The following TMEM132D variants were observed in gnomAD, a reference collection of about 807,000 sequenced individuals.
TMEM132D encodes mature OL transmembrane protein.
A neutral mutation model predicts 62.3 loss-of-function variants in TMEM132D; 21 were observed. The ratio of observed to expected loss-of-function variants is 0.34; its 90% CI spans 0.24 to 0.49. The LOEUF (loss-of-function observed/expected upper bound fraction) is 0.49, where lower values mean the gene tolerates loss of function less well. Ranked by LOEUF, TMEM132D falls within the 20% of genes least tolerant of loss-of-function variation. The pLI is 0.99. For synonymous variants in TMEM132D, 621 were observed against 575.6 expected (o/e 1.08, Z -1.13); for missense variants, 1,346 against 1,402.8 (o/e 0.96, Z 0.65).
chr12:129,249,316 C>A (rs1171304196), intron 4 of TMEM132D, among the ~76,000 whole-genome samples: 1 of 152,226 alleles, frequency 6.6e-6, no homozygotes, highest in Non-Finnish European at 1.5e-5. Context: ...CATGAGCTCC[C>A]ATCCTCCTTC....
chr12:129,192,148 T>C (rs1878423326), intron 5 of TMEM132D, among the ~76,000 whole-genome samples: 1 of 152,196 alleles, frequency 6.6e-6, no homozygotes, highest in Non-Finnish European at 1.5e-5. Flanking sequence ...TGGTTCCTAC[T>C]ACCTTGACCT....
At chr12:129,154,615 G>A (rs566586550) in intron 5 of TMEM132D, among the ~76,000 whole-genome samples, 31 of 152,270 alleles carry the variant, frequency 2.0e-4, no homozygotes, top group Admixed American at 1.1e-3. Flanking sequence ...ATATTCCAAG[G>A]ATGGATCATA....
chr12:129,595,981 T>C (rs890629773), intron 2 of TMEM132D, among the ~76,000 whole-genome samples: 2 of 152,156 alleles, frequency 1.3e-5, no homozygotes, highest in Non-Finnish European at 2.9e-5. Context: ...GCAGGTGTTC[T>C]AAAAAAAGGA....
rs146683341 is a variant in TMEM132D at position 129,583,565 on chromosome 12, G to A, written c.969-52360C>T. On this transcript the variant is annotated intron_variant, in intron 2 of 8. Transcript: ENST00000422113. ...AAGCAGTCATCATTCTAGGCACTGC[G>A]GGTGAGAGGTAAACACACATGCTTC... Among the ~76,000 whole-genome samples, 935 of 152,266 alleles carry A rather than the reference G, an allele frequency of 6.1e-3. 1 individual carries two copies. Among genetic ancestry groups the A allele is most frequent in the Non-Finnish European group, 8.9e-3 (607 of 68,022 alleles).
rs190203387 is a variant in TMEM132D at position 129,371,483 on chromosome 12, T to C, written c.1116-33666A>G. Among the ~76,000 whole-genome samples the C allele has an allele frequency of 4.6e-5, 7 of 152,030 alleles. No homozygotes were observed. Among genetic ancestry groups the C allele is most frequent in the Middle Eastern group, 3.4e-3 (1 of 292 alleles). ...GGTAATGACGATGATGATGTGATAA[T>C]GGTGATAAAGATGACAGTGGCAATG... On this transcript the variant is annotated intron_variant, in intron 3 of 8. Transcript: ENST00000422113. The surrounding 1 kb of genome is among the most constrained non-coding windows in gnomAD (Gnocchi z 4.3).
intron 4 of TMEM132D, among the ~76,000 whole-genome samples, chr12:129,284,314 C>T (rs1401514960): frequency 1.3e-5 from 2 of 152,236 alleles, no homozygotes; most frequent in Non-Finnish European, 2.9e-5. Flanking sequence ...CCATCTACAT[C>T]ATCTGAAACA....
rs894525700 is a variant in TMEM132D at position 129,700,077 on chromosome 12, C to A, written c.701G>T (p.Gly234Val). 5 of 1,613,692 alleles carry A rather than the reference C, an allele frequency of 3.1e-6. No individual in the cohort carries two copies. Among genetic ancestry groups the A allele is most frequent in the East Asian group, 2.2e-5 (1 of 44,848 alleles). ...VELYYTVHPG[G>V]ERGDCVREDA... ...TTCCCTGACGCAGTCCCCTCTCTCACCCCCTGGGTGCACGGTGTAGTAGAG... is the reference window on the plus strand; with the variant it reads ...TTCCCTGACGCAGTCCCCTCTCTCAACCCCTGGGTGCACGGTGTAGTAGAG... The change falls in exon 2 of 9, where the codon GGT (glycine) becomes GTT (valine). Residue 234 changes from glycine (G) to valine (V), a missense_variant. Physicochemically the swap from Gly to Val is moderately radical, Grantham distance 109. Coordinates refer to ENST00000422113, the MANE Select transcript of TMEM132D (RefSeq NM_133448.3).
At position 129,454,814 on chromosome 12, in the gene TMEM132D, C is replaced by T. The variant is rs61659815; in HGVS notation, c.1115+76245G>A. 0.022 allele frequency among the ~76,000 whole-genome samples: 3,306 copies of T among 152,274 alleles called. 301 individuals carry two copies. The East Asian group carries it at 0.29, about 14-fold the overall frequency. On this transcript the variant is annotated intron_variant, in intron 3 of 8. Coordinates refer to ENST00000422113, the MANE Select transcript of TMEM132D (RefSeq NM_133448.3). ...TCATCACTTAGCTCTGAGCCATCCACAAGTGCCATTACAATCCAAGATGGC... is the reference window on the plus strand; with the variant it reads ...TCATCACTTAGCTCTGAGCCATCCATAAGTGCCATTACAATCCAAGATGGC...
chr12:129,084,417 C>T, intron 6 of TMEM132D, 80 bp downstream of exon 6: 1 of 1,410,984 alleles, frequency 7.1e-7, no homozygotes, highest in Non-Finnish European at 9.5e-7. Flanking sequence ...CACATGCATC[C>T]TCAGACCCAG....
intron 5 of TMEM132D, among the ~76,000 whole-genome samples, chr12:129,165,596 A>G (rs1031084741): frequency 2.0e-5 from 3 of 152,118 alleles, no homozygotes; most frequent in Admixed American, 2.0e-4. Context: ...ACCACTCTCC[A>G]CATGTGTTCT....
intron 4 of TMEM132D, among the ~76,000 whole-genome samples, chr12:129,325,615 C>A (rs1300146406): frequency 6.6e-6 from 1 of 152,108 alleles, no homozygotes; most frequent in Non-Finnish European, 1.5e-5. Context: ...GAAATATGAA[C>A]CCCTCATGCA....
chr12:129,316,152 G>T (rs1868482482), intron 4 of TMEM132D, among the ~76,000 whole-genome samples: 1 of 151,842 alleles, frequency 6.6e-6, no homozygotes, highest in African/African-American at 2.4e-5. Flanking sequence ...ATTTAGTTCT[G>T]CTCTGATCTT....
intron 2 of TMEM132D, among the ~76,000 whole-genome samples, chr12:129,677,318 C>A: frequency 6.6e-6 from 1 of 152,280 alleles, no homozygotes; most frequent in Middle Eastern, 3.4e-3. Context: ...CTCTTTGTCT[C>A]CCACCATCCA....
intron 5 of TMEM132D, among the ~76,000 whole-genome samples, chr12:129,141,561 T>A (rs1425748303): frequency 1.3e-5 from 2 of 152,098 alleles, no homozygotes; most frequent in East Asian, 3.9e-4. Context: ...GAACGAAACG[T>A]CAGAGCTTAG....
intron 5 of TMEM132D, among the ~76,000 whole-genome samples, chr12:129,146,782 G>T (rs970023872): frequency 1.3e-5 from 2 of 152,076 alleles, no homozygotes; most frequent in Non-Finnish European, 2.9e-5. Flanking sequence ...AACAGGTTAC[G>T]GTGACGAGCA....
At chr12:129,319,065 T>A (rs1233558600) in intron 4 of TMEM132D, among the ~76,000 whole-genome samples, 1 of 152,172 alleles carries the variant, frequency 6.6e-6, no homozygotes, top group Non-Finnish European at 1.5e-5. Flanking sequence ...AAAAAAGGTC[T>A]TGGTTCTTCC....
intron 2 of TMEM132D, among the ~76,000 whole-genome samples, chr12:129,542,139 TC>T (rs558993809): frequency 1.3e-5 from 2 of 152,140 alleles, no homozygotes; most frequent in Admixed American, 1.3e-4. Flanking sequence ...TCAGGGGGCC[TC>T]CCCAGCACCT....
At chr12:129,898,072 A>C (rs35717238) in intron 1 of TMEM132D, among the ~76,000 whole-genome samples, 14,929 of 152,238 alleles carry the variant, frequency 0.098, 791 homozygotes, top group Middle Eastern at 0.23. Context: ...TTTATCTGCA[A>C]ATTCACAAAA....
chr12:129,382,364 G>A (rs1477139937), intron 3 of TMEM132D, among the ~76,000 whole-genome samples: 1 of 152,128 alleles, frequency 6.6e-6, no homozygotes, highest in Non-Finnish European at 1.5e-5. Flanking sequence ...AATCGTCACT[G>A]GAAAAGCATC....
Sources: gnomAD v4.1 joint callset for allele counts (sites outside exome capture counted in the v4.1 genomes callset) on GRCh38, gnomAD v4.1.1 for gene constraint, Gnocchi (gnomAD v3.1) non-coding constraint, MANE v1.5 for transcripts, NCBI Gene and HGNC (gene_info 2026-07-23, HGNC 2026-07-21) for gene names.